Variants in IL1RAPL1 observed in about 807,000 individuals in gnomAD.
IL1RAPL1 encodes the protein interleukin-1 receptor accessory protein-like 1.
A neutral mutation model predicts 48.4 loss-of-function variants in IL1RAPL1; 3 were observed. That is an observed-to-expected ratio of 0.06 (90% CI 0.03 to 0.16). The LOEUF is 0.16. IL1RAPL1 is among the 10% of genes least tolerant of loss of function. The pLI is 1.00. For synonymous variants in IL1RAPL1, 185 were observed against 187.7 expected, an observed-to-expected ratio of 0.99 and a Z score of 0.12; for missense variants, 349 against 530.6, an observed-to-expected ratio of 0.66 and a Z score of 3.36.
At chrX:29,884,052 C>G (rs1932086055) in intron 6 of IL1RAPL1, among the ~76,000 whole-genome samples, 2 of 111,488 alleles carry the variant, frequency 1.8e-5, no homozygotes, top group Admixed American at 1.9e-4. Context: ...TAGCCACTCA[C>G]CTAACTGCAG....
chrX:29,933,246 A>G (rs1205123770), intron 8 of IL1RAPL1, among the ~76,000 whole-genome samples: 1 of 111,121 alleles, frequency 9.0e-6, no homozygotes, highest in Non-Finnish European at 1.9e-5. Flanking sequence ...TGACAGGTTG[A>G]TGGGTGCAGC....
In IL1RAPL1 at chrX:29,918,150, T is replaced by A. The variant is rs867505116; in HGVS notation, c.911+554T>A. Reference sequence around the variant, plus strand: ...AAAAAAAAAAAAAAAAAAAAATATATATATATATATATATATATATAGTGA... The same window carrying A: ...AAAAAAAAAAAAAAAAAAAAATATAAATATATATATATATATATATAGTGA... On this transcript the variant is annotated intron_variant, in intron 7 of 10. Coordinates refer to ENST00000378993, the MANE Select transcript of IL1RAPL1 (RefSeq NM_014271.4). Among the ~76,000 whole-genome samples the A allele has an allele frequency of 8.4e-3, 380 of 45,168 alleles. 5 individuals carry two copies. Among genetic ancestry groups the A allele is most frequent in the African/African-American group, 0.016 (168 of 10,215 alleles). 39.2% of individuals were successfully genotyped at this position (45,168 alleles called of 115,157 possible).
At chrX:29,643,416 G>T (rs186736483) in intron 5 of IL1RAPL1, among the ~76,000 whole-genome samples, 57 of 112,012 alleles carry the variant, frequency 5.1e-4, no homozygotes, top group African/African-American at 1.8e-3. Context: ...TTCATGCTAG[G>T]TTAATCATTG....
chrX:28,611,872 C>A (rs1225251517), intron 1 of IL1RAPL1, among the ~76,000 whole-genome samples: 2 of 112,375 alleles, frequency 1.8e-5, no homozygotes, highest in Admixed American at 9.4e-5. Context: ...TGATGAGGGC[C>A]AGGACACTGA....
chrX:28,990,105 T>G (rs189206896), intron 2 of IL1RAPL1, among the ~76,000 whole-genome samples: 22 of 111,778 alleles, frequency 2.0e-4, no homozygotes, highest in Non-Finnish European at 1.9e-5. Context: ...AAGGGTATTC[T>G]TTTTCCAAAG....
intron 3 of IL1RAPL1, among the ~76,000 whole-genome samples, chrX:29,393,604 A>G (rs2147684240): frequency 9.0e-6 from 1 of 111,642 alleles, no homozygotes; most frequent in South Asian, 3.7e-4. Context: ...AACAAAAGTA[A>G]TCAATAGTTT....
At chrX:29,783,627 C>T (rs1929418344) in intron 6 of IL1RAPL1, among the ~76,000 whole-genome samples, 1 of 111,814 alleles carries the variant, frequency 8.9e-6, no homozygotes, top group South Asian at 3.7e-4. Flanking sequence ...GCATGGATAA[C>T]AGTCCCTGGG....
At chrX:29,915,714 C>CTTTTTTTTTTTTTTTTTTTCATTTTATTT (rs201364121) in intron 6 of IL1RAPL1, among the ~76,000 whole-genome samples, 1 of 54,311 alleles carries the variant, frequency 1.8e-5, no homozygotes, top group African/African-American at 7.4e-5. Context: ...TGGTAATATT[C>CTTTTTTTTTTTTTTTTTTTCATTTTATTT]TTTTTTTTTT....
chrX:29,934,901 C>G (rs1396559677), intron 8 of IL1RAPL1, among the ~76,000 whole-genome samples: 1 of 111,664 alleles, frequency 9.0e-6, no homozygotes, highest in Non-Finnish European at 1.9e-5. Context: ...CCAGTACATA[C>G]CCTTTACACC....
In IL1RAPL1 at chrX:28,939,018, T is replaced by TA. The variant is rs201504894; in HGVS notation, c.82+149606dup. Among the ~76,000 whole-genome samples the TA allele has an allele frequency of 7.9e-3, 749 of 94,553 alleles. 2 individuals carry two copies. Among genetic ancestry groups the TA allele is most frequent in the African/African-American group, 0.022 (574 of 26,464 alleles). 82.1% of individuals were successfully genotyped at this position (94,553 alleles called of 115,157 possible). ...AATGGCTATTATTATTAATAAACAG[T>TA]AAAAAAAAAAAAATAACAGATGCTG... On this transcript the variant is annotated intron_variant, in intron 2 of 10. Transcript: ENST00000378993.
chrX:29,594,598 A>C (rs2147058469), intron 5 of IL1RAPL1, among the ~76,000 whole-genome samples: 1 of 112,031 alleles, frequency 8.9e-6, no homozygotes, highest in African/African-American at 3.2e-5. Context: ...AATTTAAATA[A>C]ATATTTGGCA....
chrX:29,831,617 A>G (rs925398965), intron 6 of IL1RAPL1, among the ~76,000 whole-genome samples: 2 of 111,908 alleles, frequency 1.8e-5, no homozygotes, highest in African/African-American at 6.5e-5. Context: ...ATTCTAGGAT[A>G]TTGACATGAA....
chrX:29,513,303 C>T (rs1173949890), intron 5 of IL1RAPL1, among the ~76,000 whole-genome samples: 1 of 111,289 alleles, frequency 9.0e-6, no homozygotes, highest in Admixed American at 9.6e-5. Flanking sequence ...TTGATTATCA[C>T]CTACATAATG....
At chrX:28,815,043 C>A (rs1936845931) in intron 2 of IL1RAPL1, among the ~76,000 whole-genome samples, 1 of 110,254 alleles carries the variant, frequency 9.1e-6, no homozygotes, top group African/African-American at 3.3e-5. Context: ...TTACCTAATA[C>A]ATTGTTACTA....
chrX:29,256,837 T>G (rs1160678727), intron 2 of IL1RAPL1, among the ~76,000 whole-genome samples: 1 of 111,751 alleles, frequency 8.9e-6, no homozygotes, highest in African/African-American at 3.2e-5. Flanking sequence ...AAAACAGCTC[T>G]ATACAGTGGG....
intron 6 of IL1RAPL1, among the ~76,000 whole-genome samples, chrX:29,908,130 AC>A (rs1932680192): frequency 1.8e-5 from 2 of 111,139 alleles, no homozygotes; most frequent in Non-Finnish European, 3.8e-5. Flanking sequence ...TTACAAACTT[AC>A]CCCACTATGG....
chrX:28,607,182 ATTTACGAATGT>A lies in IL1RAPL1; in HGVS notation c.-25+19141_-25+19151del, dbSNP rs1413007408. ...CGCATAGCTTAGTCTTTTCCAGAGA[ATTTACGAATGT>A]TTTACTGCATGCCAAACCTTGGGTA... On this transcript the variant is annotated intron_variant, in intron 1 of 10. Coordinates refer to ENST00000378993, the MANE Select transcript of IL1RAPL1 (RefSeq NM_014271.4). Among the ~76,000 whole-genome samples, 8 of 109,472 alleles carry A rather than the reference ATTTACGAATGT, an allele frequency of 7.3e-5. 1 individual carries two copies. The South Asian group carries it at 3.2e-3, about 44-fold the overall frequency.
chrX:29,562,329 C>A (rs112857947), intron 5 of IL1RAPL1, among the ~76,000 whole-genome samples: 2,756 of 110,149 alleles, frequency 0.025, 90 homozygotes, highest in African/African-American at 0.086. Context: ...TAAAAGGAGT[C>A]ATAGACCATC....
intron 6 of IL1RAPL1, among the ~76,000 whole-genome samples, chrX:29,828,012 C>T (rs1392072958): frequency 9.0e-6 from 1 of 111,519 alleles, no homozygotes; most frequent in African/African-American, 3.3e-5. Context: ...AGCTGTAGGC[C>T]CTACATAGCC....
Sources: gnomAD v4.1 joint callset for allele counts (sites outside exome capture counted in the v4.1 genomes callset) on GRCh38, gnomAD v4.1.1 for gene constraint, MANE v1.5 for transcripts, NCBI Gene and HGNC (gene_info 2026-07-23, HGNC 2026-07-21) for gene names.